The following CRYBA1 variants were observed in gnomAD, a reference collection of about 807,000 sequenced individuals.
The protein encoded by CRYBA1 is crystallin beta A1, also known as beta-crystallin A3.
CRYBA1 carries 25 observed loss-of-function variants against 36.2 expected under a neutral mutation model. The observed-to-expected ratio is 0.69, with a 90% CI of 0.50 to 0.97. The LOEUF is 0.97. Among genes scored for constraint, CRYBA1 ranks in the 50% least tolerant of loss-of-function variants. The pLI is 0.00. For missense variants in CRYBA1, 224 were observed against 276.3 expected, an observed-to-expected ratio of 0.81 and a Z score of 1.34; for synonymous variants, 111 against 90.0, an observed-to-expected ratio of 1.23 and a Z score of -1.32.
chr17:29,248,368 C>CTT (rs1204290621), intron 1 of CRYBA1, among the ~76,000 whole-genome samples: 3 of 139,768 alleles, frequency 2.1e-5, no homozygotes, highest in Admixed American at 7.1e-5. Flanking sequence ...TGTTTTTTTT[C>CTT]TTTTTTTTTT....
intron 3 of CRYBA1, 27 bp downstream of exon 3, chr17:29,250,327 A>G (rs754701355): frequency 7.6e-7 from 1 of 1,312,946 alleles, no homozygotes; most frequent in South Asian, 1.2e-5. Flanking sequence ...GCAGAACCGC[A>G]GCCCCTTATT....
At position 29,254,203 on chromosome 17, in the gene CRYBA1, T is replaced by C; in HGVS notation, c.502T>C (p.Trp168Arg). 2 of 1,614,174 alleles carry C rather than the reference T, an allele frequency of 1.2e-6. No homozygotes were observed. The highest frequency in any genetic ancestry group is 2.2e-5 in the East Asian group (1 of 44,878). Residue 168 changes from tryptophan to arginine, a missense_variant and splice_region_variant, in exon 6 of 6, where the codon TGG becomes CGG. By Grantham distance (101) the Trp-to-Arg change is moderately radical. Transcript: ENST00000225387. ...VGSMKIQSGA[W>R]VCYQYPGYRG... ...TGAAATGTACTTTGAATTTCCTAGC[T>C]GGGTTTGCTACCAATATCCTGGATA...
intron 1 of CRYBA1, among the ~76,000 whole-genome samples, chr17:29,247,186 T>C (rs560440665): frequency 6.6e-6 from 1 of 152,256 alleles, no homozygotes; most frequent in South Asian, 2.1e-4. Flanking sequence ...ATTCAGAGAT[T>C]CAGAATGGAA....
chr17:29,254,432 C>T lies in CRYBA1; in HGVS notation c.*83C>T, dbSNP rs997833303. On this transcript the variant is annotated 3_prime_UTR_variant, in exon 6 of 6. Coordinates refer to ENST00000225387, the MANE Select transcript of CRYBA1 (RefSeq NM_005208.5). ...TAGAATAAGTTTTATGTTCTGCTCA[C>T]AGACATTGCTTTCAAATGTTAGCTG... is the stretch of plus-strand genomic sequence containing the variant. 2 of 1,420,960 alleles carry T rather than the reference C, an allele frequency of 1.4e-6. No individual in the cohort carries two copies. The highest frequency in any genetic ancestry group is 2.8e-5 in the African/African-American group (2 of 70,766). 88.0% of individuals were successfully genotyped at this position (1,420,960 alleles called of 1,614,324 possible). A position where few individuals can be genotyped will look rare whatever the true frequency, so the allele number is the denominator to read the frequency against.
intron 4 of CRYBA1, among the ~76,000 whole-genome samples, chr17:29,253,288 C>T (rs971576440): frequency 6.6e-6 from 1 of 152,206 alleles, no homozygotes; most frequent in Non-Finnish European, 1.5e-5. Context: ...CGCAAGCGCA[C>T]ACATACATAT....
At chr17:29,250,894 C>T (rs529533775) in intron 3 of CRYBA1, among the ~76,000 whole-genome samples, 4 of 152,298 alleles carry the variant, frequency 2.6e-5, no homozygotes, top group African/African-American at 9.6e-5. Flanking sequence ...AGGCCTTTAT[C>T]ATTAGCCTGA....
chr17:29,252,802 C>T (rs1270231172), intron 4 of CRYBA1, among the ~76,000 whole-genome samples: 1 of 152,158 alleles, frequency 6.6e-6, no homozygotes, highest in Non-Finnish European at 1.5e-5. Context: ...GGGCTAGAAC[C>T]TTTCCAAATA....
chr17:29,249,719 C>T (rs1281215454), intron 2 of CRYBA1, among the ~76,000 whole-genome samples: 1 of 152,164 alleles, frequency 6.6e-6, no homozygotes, highest in African/African-American at 2.4e-5. Context: ...GCCAGGTCCA[C>T]GAGCCAGGTT....
intron 2 of CRYBA1, 61 bp from the exon 3 acceptor site, chr17:29,250,121 G>T: frequency 1.1e-6 from 1 of 940,870 alleles, no homozygotes. Context: ...TTAAGCTGTT[G>T]ACCTGGACCT....
chr17:29,246,976 G>A (rs2068904770), intron 1 of CRYBA1, 82 bp downstream of exon 1: 1 of 1,463,696 alleles, frequency 6.8e-7, no homozygotes, highest in Admixed American at 1.9e-5. Context: ...CAGTTCTCCT[G>A]CCTAGTGTGT....
Position 29,252,398 on chromosome 17 carries a change from C to T in CRYBA1, c.357+193C>T, listed in dbSNP as rs189444357. Among the ~76,000 whole-genome samples the T allele has an allele frequency of 2.1e-3, 313 of 152,286 alleles. 1 individual carries two copies. The highest frequency in any genetic ancestry group is 7.0e-3 in the African/African-American group (291 of 41,558). ...TTTTTCTCCACCAGGTGGTACTTCC[C>T]TTAAGCTAAAACTAAGGGTCTTACA... On this transcript the variant is annotated intron_variant, in intron 4 of 5. Coordinates refer to ENST00000225387, the MANE Select transcript of CRYBA1 (RefSeq NM_005208.5).
intron 3 of CRYBA1, among the ~76,000 whole-genome samples, chr17:29,250,952 G>A (rs1343395780): frequency 6.6e-6 from 1 of 152,162 alleles, no homozygotes; most frequent in African/African-American, 2.4e-5. Context: ...AATTGGCCTT[G>A]CATGTGGATA....
chr17:29,251,288 T>C (rs2068933956), intron 3 of CRYBA1, among the ~76,000 whole-genome samples: 1 of 152,130 alleles, frequency 6.6e-6, no homozygotes, highest in Non-Finnish European at 1.5e-5. Context: ...TTGGGCCACA[T>C]ATAAAATACC....
intron 1 of CRYBA1, among the ~76,000 whole-genome samples, chr17:29,247,287 A>G (rs1210606433): frequency 1.3e-5 from 2 of 152,064 alleles, no homozygotes; most frequent in African/African-American, 2.4e-5. Context: ...AACCTAATAC[A>G]CACCTGCCTG....
intron 3 of CRYBA1, 122 bp from the exon 4 acceptor site, chr17:29,251,942 G>A (rs2068937916): frequency 3.3e-6 from 4 of 1,228,556 alleles, no homozygotes; most frequent in African/African-American, 1.5e-5. Context: ...ACTTTGTACA[G>A]CTCTACTGGG....
chr17:29,251,744 G>T (rs375912224), intron 3 of CRYBA1, among the ~76,000 whole-genome samples: 1 of 152,110 alleles, frequency 6.6e-6, no homozygotes, highest in Admixed American at 6.6e-5. Flanking sequence ...CTCCTGAAGC[G>T]TTGGAACTAC....
chr17:29,251,388 T>C (rs1407827820), intron 3 of CRYBA1, among the ~76,000 whole-genome samples: 2 of 152,166 alleles, frequency 1.3e-5, no homozygotes, highest in Admixed American at 6.5e-5. Context: ...CGTTCAAAGC[T>C]GTCCTGAGCT....
Position 29,254,285 on chromosome 17 carries a change from GGA to G in CRYBA1, c.590_591del (p.Glu197ValfsTer22), listed in dbSNP as rs786205628. 6.2e-7 allele frequency: 1 copy of G among 1,614,158 alleles called. No individual in the cohort carries two copies. The highest frequency in any genetic ancestry group is 1.1e-5 in the South Asian group (1 of 91,084). ...CATCATGGAGGAGACTATAAACATT[GGA>G]GAGAGTGGGGCTCTCATGCCCAGAC... On this transcript the variant is annotated frameshift_variant, in exon 6 of 6. Transcript: ENST00000225387. LOFTEE classifies it high-confidence loss of function.
At chr17:29,253,460 A>G (rs2068948271) in intron 4 of CRYBA1, among the ~76,000 whole-genome samples, 180 bp from the exon 5 acceptor site, 1 of 152,232 alleles carries the variant, frequency 6.6e-6, no homozygotes, top group African/African-American at 2.4e-5. Context: ...ATGTTATGGT[A>G]TTTAAATTGG....
Sources: gnomAD v4.1 joint callset for allele counts (sites outside exome capture counted in the v4.1 genomes callset) on GRCh38, gnomAD v4.1.1 for gene constraint, MANE v1.5 for transcripts, NCBI Gene and HGNC (gene_info 2026-07-23, HGNC 2026-07-21) for gene names.